PBX1: variants seen among roughly 807,000 people sequenced by gnomAD.
PBX1 encodes the protein PBX homeobox 1.
A neutral mutation model predicts 53.4 loss-of-function variants in PBX1; 6 were observed. The observed-to-expected ratio is 0.11, with a 90% CI of 0.06 to 0.22. PBX1 has a LOEUF of 0.22. Ranked by LOEUF, PBX1 falls within the 10% of genes least tolerant of loss-of-function variation. PBX1 has a pLI of 1.00. For synonymous variants in PBX1, 204 were observed against 212.3 expected (o/e 0.96, Z 0.34); for missense variants, 251 against 551.4 (o/e 0.46, Z 5.46).
At chr1:164,689,551 C>T (rs1366810029) in intron 2 of PBX1, among the ~76,000 whole-genome samples, 2 of 152,100 alleles carry the variant, frequency 1.3e-5, no homozygotes, top group African/African-American at 4.8e-5. Context: ...TTTTTTTAAT[C>T]CTCCATAGCT....
At chr1:164,660,397 G>T (rs1660416937) in intron 2 of PBX1, among the ~76,000 whole-genome samples, 1 of 152,340 alleles carries the variant, frequency 6.6e-6, no homozygotes, top group African/African-American at 2.4e-5. Context: ...AGCTGCAGCT[G>T]ACATGGCAGT....
intron 8 of PBX1, among the ~76,000 whole-genome samples, chr1:164,839,180 T>C (rs1671179116): frequency 6.6e-6 from 1 of 152,220 alleles, no homozygotes; most frequent in Non-Finnish European, 1.5e-5. Context: ...GTGAGGTCCC[T>C]CTTTTGTACT....
At chr1:164,740,629 G>A (rs889437227) in intron 2 of PBX1, among the ~76,000 whole-genome samples, 1 of 152,170 alleles carries the variant, frequency 6.6e-6, no homozygotes, top group Non-Finnish European at 1.5e-5. Context: ...GCCAGATATT[G>A]TGTTAGGTGT....
At chr1:164,667,353 T>C (rs1350146286) in intron 2 of PBX1, among the ~76,000 whole-genome samples, 1 of 151,084 alleles carries the variant, frequency 6.6e-6, no homozygotes, top group East Asian at 1.9e-4. Context: ...CACAAATATA[T>C]AATATAATCT....
intron 2 of PBX1, among the ~76,000 whole-genome samples, chr1:164,667,969 C>T (rs1660901930): frequency 6.6e-6 from 1 of 152,178 alleles, no homozygotes; most frequent in African/African-American, 2.4e-5. Context: ...AATGGCTGCC[C>T]CCTTCTCCCA....
intron 2 of PBX1, among the ~76,000 whole-genome samples, chr1:164,694,285 C>T (rs1479598761): frequency 6.6e-6 from 1 of 152,172 alleles, no homozygotes; most frequent in Non-Finnish European, 1.5e-5. Context: ...CCTTAGTTAA[C>T]TTCAATGTTG....
chr1:164,885,275 G>T (rs1672751970), intron 2 of PBX1, among the ~76,000 whole-genome samples: 1 of 152,056 alleles, frequency 6.6e-6, no homozygotes, highest in African/African-American at 2.4e-5. Context: ...ATTTAGTATG[G>T]CTGGGGAATG....
At chr1:164,767,561 A>G (rs1361942299) in intron 2 of PBX1, among the ~76,000 whole-genome samples, 2 of 152,162 alleles carry the variant, frequency 1.3e-5, no homozygotes, top group Non-Finnish European at 2.9e-5. Flanking sequence ...CAGTTGCACA[A>G]GGAAAAATAT....
chr1:164,675,809 T>C (rs1401336069), intron 2 of PBX1, among the ~76,000 whole-genome samples: 1 of 152,136 alleles, frequency 6.6e-6, no homozygotes, highest in Non-Finnish European at 1.5e-5. Flanking sequence ...CAAGCAGATC[T>C]TGGTGGGGAT....
rs1189386362 is a variant in PBX1, at chr1:164,792,748, A to G, written c.510+10A>G. On this transcript the variant is annotated intron_variant, in intron 3 of 8. Transcript: ENST00000420696. ...GGAGAAATACGAGCAGGTAACCAGA[A>G]CCACCTGGGGCTCGGCACCCAGGCC... 6.3e-6 allele frequency: 10 copies of G among 1,589,058 alleles called. No homozygotes were observed. Among genetic ancestry groups the G allele is most frequent in the Non-Finnish European group, 8.6e-6 (10 of 1,162,948 alleles).
chr1:164,615,561 T>C (rs1360705372), intron 2 of PBX1, among the ~76,000 whole-genome samples: 1 of 152,286 alleles, frequency 6.6e-6, no homozygotes, highest in East Asian at 1.9e-4. Flanking sequence ...AGGTACCAAA[T>C]TGACCTTTTT....
intron 8 of PBX1, among the ~76,000 whole-genome samples, chr1:164,840,272 G>C (rs1671229241): frequency 6.6e-6 from 1 of 152,192 alleles, no homozygotes; most frequent in Non-Finnish European, 1.5e-5. Flanking sequence ...AATTTCTTCT[G>C]TCTGAGAGCA....
At chr1:164,679,280 T>C (rs981024470) in intron 2 of PBX1, among the ~76,000 whole-genome samples, 2 of 152,170 alleles carry the variant, frequency 1.3e-5, no homozygotes, top group African/African-American at 4.8e-5. Flanking sequence ...CCTTGCCAAA[T>C]TCTGCACTTT....
intron 4 of PBX1, among the ~76,000 whole-genome samples, chr1:164,801,945 G>C (rs946723522): frequency 6.6e-6 from 1 of 152,172 alleles, no homozygotes; most frequent in Non-Finnish European, 1.5e-5. Context: ...AGCGTCACTA[G>C]CTATAATTGG....
chr1:164,841,796 C>G (rs575128739), intron 8 of PBX1, among the ~76,000 whole-genome samples: 42 of 152,104 alleles, frequency 2.8e-4, no homozygotes, highest in Non-Finnish European at 5.0e-4. Flanking sequence ...GAGGATGCAT[C>G]CGTGTCTCTG....
At chr1:164,668,565 C>G (rs778629913) in intron 2 of PBX1, among the ~76,000 whole-genome samples, 2 of 152,146 alleles carry the variant, frequency 1.3e-5, no homozygotes, top group Non-Finnish European at 2.9e-5. Flanking sequence ...GCCTCCGAGC[C>G]CTGCCAAAAT....
chr1:164,769,524 C>G (rs1667254072), intron 2 of PBX1, among the ~76,000 whole-genome samples: 1 of 152,146 alleles, frequency 6.6e-6, no homozygotes, highest in South Asian at 2.1e-4. Context: ...CCGGTAGAAC[C>G]AGTCCTCTCC....
chr1:164,637,338 A>G (rs553878879), intron 2 of PBX1, among the ~76,000 whole-genome samples: 1 of 152,266 alleles, frequency 6.6e-6, no homozygotes, highest in Non-Finnish European at 1.5e-5. Context: ...AAAAAGTTGG[A>G]CCAAAGTAAA....
At chr1:164,579,501 A>T (rs1251410195) in intron 2 of PBX1, among the ~76,000 whole-genome samples, 1 of 152,174 alleles carries the variant, frequency 6.6e-6, no homozygotes, top group Non-Finnish European at 1.5e-5. Context: ...GTAAGGAAAT[A>T]GCTGCCTGTC....
Sources: gnomAD v4.1 joint callset for allele counts (sites outside exome capture counted in the v4.1 genomes callset) on GRCh38, gnomAD v4.1.1 for gene constraint, MANE v1.5 for transcripts, NCBI Gene and HGNC (gene_info 2026-07-23, HGNC 2026-07-21) for gene names.